The following PTPRK variants were observed in gnomAD, a reference collection of about 807,000 sequenced individuals.
PTPRK encodes the protein protein tyrosine phosphatase receptor type K.
PTPRK carries 75 observed loss-of-function variants against 178.0 expected under a neutral mutation model. That is an observed-to-expected ratio of 0.42 (90% confidence interval 0.35 to 0.51). The LOEUF is 0.51. PTPRK is among the 20% of genes least tolerant of loss of function. The pLI is 0.02. For synonymous variants in PTPRK, 637 were observed against 620.6 expected (o/e 1.03, Z -0.39); for missense variants, 1,441 against 1,797.8 (o/e 0.80, Z 3.59).
At chr6:128,401,569 G>C (rs1841022469) in intron 1 of PTPRK, among the ~76,000 whole-genome samples, 1 of 152,116 alleles carries the variant, frequency 6.6e-6, no homozygotes, top group African/African-American at 2.4e-5. Context: ...AAAAGTCGTA[G>C]ATCACTGGAG....
Position 127,976,995 on chromosome 6 carries a change from T to C in PTPRK, c.3771A>G (p.Lys1257=). ...AATCATACACTAATCTCCAGAAGTC[T>C]TTTACAGTGTTTGGCAGAGGGTATT... is the stretch of plus-strand genomic sequence containing the variant. ...VTQYPLPNTV[K]DFWRLVYDYG... is the part of the protein sequence containing the mutation. Residue 1257 remains lysine, a synonymous_variant, in exon 26 of 30, where the codon AAA becomes AAG. Coordinates refer to ENST00000368226, the MANE Select transcript of PTPRK (RefSeq NM_002844.4). The C allele has an allele frequency of 6.2e-7, 1 of 1,614,048 alleles. No homozygotes were observed. Among genetic ancestry groups the C allele is most frequent in the Non-Finnish European group, 8.5e-7 (1 of 1,179,940 alleles).
intron 2 of PTPRK, among the ~76,000 whole-genome samples, chr6:128,339,034 A>C (rs999963604): frequency 2.0e-5 from 3 of 152,130 alleles, no homozygotes; most frequent in African/African-American, 4.8e-5. Context: ...AGTTTTCAAA[A>C]AAATCTTAAA....
intron 28 of PTPRK, 82 bp downstream of exon 28, chr6:127,973,582 C>T: frequency 6.6e-7 from 1 of 1,520,442 alleles, no homozygotes; most frequent in Non-Finnish European, 8.9e-7. Flanking sequence ...CCATAAGATG[C>T]AAGCCAGATA....
chr6:128,318,635 T>C (rs958761294), intron 3 of PTPRK, among the ~76,000 whole-genome samples: 1 of 152,196 alleles, frequency 6.6e-6, no homozygotes, highest in Non-Finnish European at 1.5e-5. Context: ...TTTCCACTAA[T>C]AGTTTTGCAA....
chr6:128,486,452 A>T (rs1350621061), intron 1 of PTPRK, among the ~76,000 whole-genome samples: 2 of 152,188 alleles, frequency 1.3e-5, no homozygotes, highest in Non-Finnish European at 2.9e-5. Flanking sequence ...AAATCATGTT[A>T]CTTCAAAAAG....
At chr6:128,123,898 T>A (rs761017161) in intron 7 of PTPRK, among the ~76,000 whole-genome samples, 1 of 152,088 alleles carries the variant, frequency 6.6e-6, no homozygotes, top group Non-Finnish European at 1.5e-5. Flanking sequence ...ACCAGAGAGG[T>A]AAAGTGCCAT....
At chr6:128,239,913 C>CT (rs1288912046) in intron 5 of PTPRK, 122 bp downstream of exon 5, 1 of 624,938 alleles carries the variant, frequency 1.6e-6, no homozygotes, top group African/African-American at 1.9e-5. Flanking sequence ...GCCTGTCCCA[C>CT]TACATGCGTG....
At chr6:128,386,374 C>T (rs1159678356) in intron 2 of PTPRK, among the ~76,000 whole-genome samples, 1 of 152,106 alleles carries the variant, frequency 6.6e-6, no homozygotes, top group Non-Finnish European at 1.5e-5. Context: ...CTATAGAGCC[C>T]TCCCAGTAAC....
intron 7 of PTPRK, among the ~76,000 whole-genome samples, chr6:128,092,594 A>C (rs760805637): frequency 4.6e-5 from 7 of 152,204 alleles, no homozygotes; most frequent in Non-Finnish European, 1.0e-4. Flanking sequence ...ATACACATAC[A>C]TGTGAAAGGT....
intron 1 of PTPRK, among the ~76,000 whole-genome samples, chr6:128,459,074 C>T (rs1382678261): frequency 6.6e-6 from 1 of 152,026 alleles, no homozygotes; most frequent in Non-Finnish European, 1.5e-5. Flanking sequence ...GAATCTATTG[C>T]AAAGGAAGAA....
chr6:128,088,684 C>T (rs1312058265), intron 8 of PTPRK, among the ~76,000 whole-genome samples: 2 of 152,040 alleles, frequency 1.3e-5, no homozygotes, highest in Non-Finnish European at 2.9e-5. Flanking sequence ...TATTATCAAT[C>T]AAATTATAAT....
intron 13 of PTPRK, among the ~76,000 whole-genome samples, chr6:128,038,943 G>A (rs576534692): frequency 5.3e-5 from 8 of 152,182 alleles, no homozygotes; most frequent in Admixed American, 3.9e-4. Context: ...TCACATAAGC[G>A]AAACTTTTAA....
chr6:128,436,714 T>A (rs1329167523), intron 1 of PTPRK, among the ~76,000 whole-genome samples: 1 of 152,044 alleles, frequency 6.6e-6, no homozygotes. Context: ...GATCACCGGA[T>A]AGGAAAGGGA....
At chr6:128,380,408 C>T (rs1461121852) in intron 2 of PTPRK, among the ~76,000 whole-genome samples, 2 of 152,084 alleles carry the variant, frequency 1.3e-5, no homozygotes, top group African/African-American at 4.8e-5. Context: ...GCAACCTTCC[C>T]CAAGGGCTGT....
chr6:128,233,901 G>C (rs1206484393), intron 5 of PTPRK, among the ~76,000 whole-genome samples: 2 of 152,132 alleles, frequency 1.3e-5, no homozygotes, highest in East Asian at 3.8e-4. Context: ...CCAATTCAAT[G>C]ATGCAGGCCT....
intron 10 of PTPRK, among the ~76,000 whole-genome samples, chr6:128,080,530 T>C (rs1268106047): frequency 1.3e-5 from 2 of 152,040 alleles, no homozygotes; most frequent in African/African-American, 2.4e-5. Flanking sequence ...AGAAGATTAA[T>C]TATTATCTGA....
chr6:128,183,604 T>G (rs999049105), intron 7 of PTPRK, among the ~76,000 whole-genome samples: 2 of 152,128 alleles, frequency 1.3e-5, no homozygotes, highest in South Asian at 4.1e-4. Flanking sequence ...GTACTCCTGG[T>G]GGGTAGCCCA....
At chr6:128,476,911 A>G (rs1167563211) in intron 1 of PTPRK, among the ~76,000 whole-genome samples, 1 of 151,912 alleles carries the variant, frequency 6.6e-6, no homozygotes, top group Non-Finnish European at 1.5e-5. Flanking sequence ...CAATCTTGAG[A>G]GTGAAAACGA....
intron 13 of PTPRK, among the ~76,000 whole-genome samples, chr6:128,046,679 T>C (rs530481776): frequency 1.3e-5 from 2 of 152,156 alleles, no homozygotes; most frequent in African/African-American, 4.8e-5. Context: ...CATTTAAATA[T>C]AGATTTTTTT....
Sources: gnomAD v4.1 joint callset for allele counts (sites outside exome capture counted in the v4.1 genomes callset) on GRCh38, gnomAD v4.1.1 for gene constraint, MANE v1.5 for transcripts, NCBI Gene and HGNC (gene_info 2026-07-23, HGNC 2026-07-21) for gene names.